The following ERC2 variants were observed in gnomAD, a reference collection of about 807,000 sequenced individuals.
ERC2 encodes ELKS/RAB6-interacting/CAST family member 2.
In ERC2, 42 loss-of-function variants were observed where a neutral mutation model predicts 114.8. That is an observed-to-expected ratio of 0.37 (90% CI 0.29 to 0.47). The LOEUF (loss-of-function observed/expected upper bound fraction) is 0.47, where lower values mean the gene tolerates loss of function less well. ERC2 is among the 20% of genes least tolerant of loss of function. The probability of loss-of-function intolerance (pLI) is 0.99; values close to 1 mark genes in which losing one functional copy is unlikely to be tolerated. For missense variants in ERC2, 939 were observed against 1,150.7 expected (o/e 0.82, Z 2.66); for synonymous variants, 454 against 425.5 (o/e 1.07, Z -0.82).
At chr3:55,602,129 T>C (rs1559724810) in intron 17 of ERC2, among the ~76,000 whole-genome samples, 1 of 152,194 alleles carries the variant, frequency 6.6e-6, no homozygotes, top group Non-Finnish European at 1.5e-5. Flanking sequence ...CTTCCTTCCT[T>C]TGTCAACAAT....
chr3:56,032,337 C>G (rs1319823944), intron 7 of ERC2, among the ~76,000 whole-genome samples: 1 of 152,162 alleles, frequency 6.6e-6, no homozygotes, highest in Non-Finnish European at 1.5e-5. Flanking sequence ...AACTCAAAGA[C>G]AGATCCTTGG....
chr3:56,403,539 T>G (rs1398075753), intron 2 of ERC2, among the ~76,000 whole-genome samples: 1 of 152,194 alleles, frequency 6.6e-6, no homozygotes, highest in African/African-American at 2.4e-5. Context: ...CCACTCACAG[T>G]GTGGTCCACG....
At chr3:55,641,701 C>A (rs570384881) in intron 17 of ERC2, among the ~76,000 whole-genome samples, 3 of 152,170 alleles carry the variant, frequency 2.0e-5, no homozygotes, top group South Asian at 2.1e-4. Flanking sequence ...AGCACAGGAA[C>A]CTTCCCTACT....
intron 14 of ERC2, among the ~76,000 whole-genome samples, chr3:55,842,249 A>G (rs775402630): frequency 2.0e-5 from 3 of 152,170 alleles, no homozygotes; most frequent in South Asian, 2.1e-4. Flanking sequence ...GTCTCTCCAA[A>G]AAAAAGATGA....
At chr3:55,961,210 A>T (rs891866158) in intron 12 of ERC2, among the ~76,000 whole-genome samples, 3 of 152,136 alleles carry the variant, frequency 2.0e-5, no homozygotes, top group African/African-American at 7.2e-5. Context: ...TACTCCCCCA[A>T]GCTACACTGG....
At chr3:55,678,667 T>C (rs558273935) in intron 17 of ERC2, among the ~76,000 whole-genome samples, 3 of 152,196 alleles carry the variant, frequency 2.0e-5, no homozygotes, top group Non-Finnish European at 2.9e-5. Context: ...GAGATTCCCC[T>C]GCTGATATGC....
At chr3:56,255,577 T>C (rs919977316) in intron 3 of ERC2, among the ~76,000 whole-genome samples, 2 of 152,164 alleles carry the variant, frequency 1.3e-5, no homozygotes, top group Admixed American at 1.3e-4. Context: ...TCCTGAGGAA[T>C]ATACAGCCTA....
In ERC2 at chr3:55,933,964, G is replaced by C. The variant is rs189604736; in HGVS notation, c.2403+16461C>G. Among the ~76,000 whole-genome samples, 44 of 152,190 alleles carry C rather than the reference G, an allele frequency of 2.9e-4. No individual in the cohort carries two copies. In the East Asian group the frequency reaches 8.1e-3, roughly 28 times the overall value. Reference sequence around the variant, plus strand: ...TGGTGCCTATGTGTCAAATTCTTTGGGTTTTTAATTTAGAGGTGGAAAATA... The same window carrying C: ...TGGTGCCTATGTGTCAAATTCTTTGCGTTTTTAATTTAGAGGTGGAAAATA... On this transcript the variant is annotated intron_variant, in intron 13 of 17. Coordinates refer to ENST00000288221, the MANE Select transcript of ERC2 (RefSeq NM_015576.3).
At position 56,065,144 on chromosome 3, in the gene ERC2, C is replaced by T. The variant is rs553668409; in HGVS notation, c.1641+15673G>A. Among the ~76,000 whole-genome samples, 19 of 152,252 alleles carry T rather than the reference C, an allele frequency of 1.2e-4. No individual in the cohort carries two copies. The South Asian group carries it at 3.1e-3, about 25-fold the overall frequency. On this transcript the variant is annotated intron_variant, in intron 7 of 17. Coordinates refer to ENST00000288221, the MANE Select transcript of ERC2 (RefSeq NM_015576.3). ...TACAATCTGAAAGCTGTAATAAAGG[C>T]TCATTTCCTATGCATACATTTTTAA... is the stretch of plus-strand genomic sequence containing the variant.
rs2067864660 is a variant in ERC2, at chr3:55,767,266, G to A, written c.2565-32348C>T. Reference sequence around the variant, plus strand: ...AAATGTAAATTGCTCAGCGGGCTTAGGTTTTTGCCAAGGGTGCCAGCTTCC... The same window carrying A: ...AAATGTAAATTGCTCAGCGGGCTTAAGTTTTTGCCAAGGGTGCCAGCTTCC... On this transcript the variant is annotated intron_variant, in intron 14 of 17. Coordinates refer to ENST00000288221, the MANE Select transcript of ERC2 (RefSeq NM_015576.3). 2.6e-5 allele frequency among the ~76,000 whole-genome samples: 4 copies of A among 152,274 alleles called. No homozygotes were observed. The South Asian group carries it at 8.3e-4, about 32-fold the overall frequency.
chr3:55,800,396 C>A (rs1401687727), intron 14 of ERC2, among the ~76,000 whole-genome samples: 1 of 152,086 alleles, frequency 6.6e-6, no homozygotes, highest in Admixed American at 6.5e-5. Context: ...CCTGCCTCGG[C>A]CTACCAAAGT....
chr3:55,660,784 G>T (rs1425720997), intron 17 of ERC2, among the ~76,000 whole-genome samples: 1 of 152,178 alleles, frequency 6.6e-6, no homozygotes, highest in Non-Finnish European at 1.5e-5. Context: ...CCATTAATAA[G>T]CCATGTGACA....
At chr3:55,779,688 A>G (rs1559642088) in intron 14 of ERC2, among the ~76,000 whole-genome samples, 1 of 152,204 alleles carries the variant, frequency 6.6e-6, no homozygotes, top group Non-Finnish European at 1.5e-5. Context: ...AAACACGGCC[A>G]AGTAGGGTTT....
chr3:55,527,084 A>G (rs1005887883), intron 17 of ERC2, among the ~76,000 whole-genome samples: 10 of 152,224 alleles, frequency 6.6e-5, no homozygotes, highest in African/African-American at 2.4e-4. Context: ...AGTGCCTGGC[A>G]CTAGGAGGTT....
intron 2 of ERC2, among the ~76,000 whole-genome samples, chr3:56,385,332 C>G (rs1230569960): frequency 6.6e-6 from 1 of 152,092 alleles, no homozygotes; most frequent in African/African-American, 2.4e-5. Context: ...TATAGGGGCA[C>G]TAATTCCATT....
At chr3:56,359,531 T>C (rs1489163432) in intron 2 of ERC2, among the ~76,000 whole-genome samples, 1 of 152,280 alleles carries the variant, frequency 6.6e-6, no homozygotes, top group African/African-American at 2.4e-5. Flanking sequence ...TAGACATTAT[T>C]ATTCCCATTA....
chr3:55,865,096 G>T (rs2062237253), intron 14 of ERC2, among the ~76,000 whole-genome samples: 2 of 149,718 alleles, frequency 1.3e-5, no homozygotes, highest in African/African-American at 4.9e-5. Context: ...TCATTTCTTG[G>T]GAACTACTGA....
chr3:55,617,488 C>T (rs1490757317), intron 17 of ERC2, among the ~76,000 whole-genome samples: 2 of 152,188 alleles, frequency 1.3e-5, no homozygotes, highest in African/African-American at 4.8e-5. Flanking sequence ...AGGTCTCATT[C>T]CCCTCCGGCC....
At chr3:56,228,993 C>T (rs1476350204) in intron 3 of ERC2, among the ~76,000 whole-genome samples, 1 of 152,048 alleles carries the variant, frequency 6.6e-6, no homozygotes, top group Non-Finnish European at 1.5e-5. Flanking sequence ...TCCTATTTTT[C>T]CCACAAGCCC....
Sources: gnomAD v4.1 joint callset for allele counts (sites outside exome capture counted in the v4.1 genomes callset) on GRCh38, gnomAD v4.1.1 for gene constraint, MANE v1.5 for transcripts, NCBI Gene and HGNC (gene_info 2026-07-23, HGNC 2026-07-21) for gene names.